TAF3: variants seen among roughly 807,000 people sequenced by gnomAD.
TAF3 encodes the protein transcription initiation factor TFIID subunit 3.
Under a neutral mutation model 80.6 loss-of-function variants are expected in TAF3, and 7 were observed. The ratio of observed to expected loss-of-function variants is 0.09; its 90% confidence interval spans 0.05 to 0.16. The LOEUF (loss-of-function observed/expected upper bound fraction) is 0.16, where lower values mean the gene tolerates loss of function less well. Ranked by LOEUF, TAF3 falls within the 10% of genes least tolerant of loss-of-function variation. The pLI is 1.00. For synonymous variants in TAF3, 444 were observed against 446.1 expected (o/e 1.00, Z 0.06); for missense variants, 921 against 1,140.2 (o/e 0.81, Z 2.77).
rs1831787400 is a variant in TAF3 at position 7,987,232 on chromosome 10, C to T, written c.2315+9909C>T. ...ACGTACTCAGGAGGCTGAGGCTTCA[C>T]TTGAGCCTGGGAAATCGAGGCTACA... On this transcript the variant is annotated intron_variant, in intron 4 of 6. Transcript: ENST00000344293. 3.3e-5 allele frequency among the ~76,000 whole-genome samples: 5 copies of T among 152,100 alleles called. No individual in the cohort carries two copies. In the South Asian group the frequency reaches 1.0e-3, roughly 32 times the overall value.
In TAF3 at chr10:7,836,255, A is replaced by T. The variant is rs550523279; in HGVS notation, c.409+11695A>T. On this transcript the variant is annotated intron_variant, in intron 2 of 6. Transcript: ENST00000344293. ...CATCCACCTCTCAGACCCTGCAACC[A>T]GTTGCAGTTGGCCATTTCCACGTTT... Among the ~76,000 whole-genome samples, 40 of 150,280 alleles carry T rather than the reference A, an allele frequency of 2.7e-4. No individual in the cohort carries two copies. In the South Asian group the frequency reaches 7.2e-3, roughly 27 times the overall value.
At chr10:7,887,339 A>G (rs1021493773) in intron 2 of TAF3, among the ~76,000 whole-genome samples, 5 of 152,158 alleles carry the variant, frequency 3.3e-5, no homozygotes, top group African/African-American at 4.8e-5. Flanking sequence ...GTTGTGTACA[A>G]TCGTTGACCT....
intron 2 of TAF3, among the ~76,000 whole-genome samples, chr10:7,855,814 G>A (rs1180648623): frequency 1.3e-5 from 2 of 152,060 alleles, no homozygotes; most frequent in East Asian, 1.9e-4. Flanking sequence ...GGGCGTGGTG[G>A]CTCACACCTG....
At chr10:7,947,955 G>A (rs1315578455) in intron 2 of TAF3, among the ~76,000 whole-genome samples, 1 of 152,106 alleles carries the variant, frequency 6.6e-6, no homozygotes, top group Non-Finnish European at 1.5e-5. Flanking sequence ...AGGAAATGAC[G>A]TTCACAATTC....
At chr10:7,938,481 A>G (rs1837945767) in intron 2 of TAF3, among the ~76,000 whole-genome samples, 1 of 152,190 alleles carries the variant, frequency 6.6e-6, no homozygotes, top group South Asian at 2.1e-4. Flanking sequence ...TTTAGTGACT[A>G]GATATGGATG....
rs145041981 is a variant in TAF3, at chr10:7,923,022, C to G, written c.410-40898C>G. 1.4e-4 allele frequency among the ~76,000 whole-genome samples: 21 copies of G among 152,118 alleles called. No homozygotes were observed. The East Asian group carries it at 4.1e-3, about 29-fold the overall frequency. ...TATATAGGACTTCTGGTCTGCCTAC[C>G]AAACAGTTAATTATCTCATGCTATC... On this transcript the variant is annotated intron_variant, in intron 2 of 6. Coordinates refer to ENST00000344293, the MANE Select transcript of TAF3 (RefSeq NM_031923.4).
intron 2 of TAF3, among the ~76,000 whole-genome samples, chr10:7,889,751 G>C (rs754416480): frequency 3.9e-5 from 6 of 152,148 alleles, no homozygotes; most frequent in East Asian, 1.9e-4. Flanking sequence ...GCCTCGTCTT[G>C]TGTCTTGTTT....
At chr10:7,848,971 T>C (rs1836999663) in intron 2 of TAF3, among the ~76,000 whole-genome samples, 1 of 152,206 alleles carries the variant, frequency 6.6e-6, no homozygotes, top group Admixed American at 6.5e-5. Flanking sequence ...ACTTTCCTTT[T>C]TCAGCTTTGT....
intron 2 of TAF3, among the ~76,000 whole-genome samples, chr10:7,844,559 G>A (rs542943156): frequency 8.6e-5 from 13 of 151,910 alleles, no homozygotes; most frequent in Non-Finnish European, 1.8e-4. Flanking sequence ...TTGTATTTTA[G>A]TAGAGATGGG....
At chr10:7,934,395 T>C (rs965941971) in intron 2 of TAF3, among the ~76,000 whole-genome samples, 5 of 152,198 alleles carry the variant, frequency 3.3e-5, no homozygotes, top group Non-Finnish European at 5.9e-5. Flanking sequence ...ATTCCGTCCT[T>C]ATATAAAAAT....
intron 2 of TAF3, among the ~76,000 whole-genome samples, chr10:7,852,362 T>C (rs1193384750): frequency 6.6e-6 from 1 of 152,264 alleles, no homozygotes. Context: ...AGGGTCCAAA[T>C]AACATCCACA....
intron 2 of TAF3, among the ~76,000 whole-genome samples, chr10:7,936,498 CTTT>C (rs200550840): frequency 6.9e-6 from 1 of 144,560 alleles, no homozygotes. Context: ...TGAGCTGCAT[CTTT>C]TTTTTTTTTT....
chr10:7,948,660 C>T (rs1346807118), intron 2 of TAF3, among the ~76,000 whole-genome samples: 1 of 152,132 alleles, frequency 6.6e-6, no homozygotes, highest in East Asian at 1.9e-4. Flanking sequence ...TTACAGGCTG[C>T]CTCCTAAATA....
rs190535581 is a variant in TAF3, at chr10:8,016,060, T to C, written c.*1309T>C. The C allele has an allele frequency of 3.4e-3, 517 of 152,302 alleles. 2 individuals carry two copies. The highest frequency in any genetic ancestry group is 0.011 in the African/African-American group (459 of 41,564). The allele number at this position is 152,302 out of a possible 1,614,324, so 9.4% of individuals were successfully genotyped here. On this transcript the variant is annotated 3_prime_UTR_variant, in exon 7 of 7. Transcript: ENST00000344293. ...ACTGCCCACTATTTATTATATGTTA[T>C]AGATGTCTGAGAGGTAAACCAAATA...
intron 2 of TAF3, among the ~76,000 whole-genome samples, chr10:7,903,636 C>T (rs571026370): frequency 1.9e-3 from 293 of 152,250 alleles, no homozygotes; most frequent in African/African-American, 6.6e-3. Flanking sequence ...TTTAGCATTG[C>T]ACCATATATG....
intron 6 of TAF3, 60 bp downstream of exon 6, chr10:8,013,897 A>G: frequency 7.1e-7 from 1 of 1,404,708 alleles, no homozygotes; most frequent in Non-Finnish European, 1.0e-6. Context: ...CGCTCCTGAG[A>G]TGAAGCATCC....
At chr10:7,902,958 C>T (rs1238947920) in intron 2 of TAF3, among the ~76,000 whole-genome samples, 1 of 151,932 alleles carries the variant, frequency 6.6e-6, no homozygotes, top group African/African-American at 2.4e-5. Flanking sequence ...TGCTTGTGCT[C>T]ACCTATGGTC....
intron 2 of TAF3, among the ~76,000 whole-genome samples, chr10:7,894,402 G>A (rs894356815): frequency 2.0e-5 from 3 of 152,178 alleles, no homozygotes; most frequent in African/African-American, 7.2e-5. Context: ...ACGTCTCAGC[G>A]CCATCTGGTT....
At chr10:7,835,275 G>A (rs983903689) in intron 2 of TAF3, among the ~76,000 whole-genome samples, 3 of 152,140 alleles carry the variant, frequency 2.0e-5, no homozygotes, top group African/African-American at 4.8e-5. Context: ...ACAACTTTGT[G>A]TTGGGCTGCA....
Sources: gnomAD v4.1 joint callset for allele counts (sites outside exome capture counted in the v4.1 genomes callset) on GRCh38, gnomAD v4.1.1 for gene constraint, MANE v1.5 for transcripts, NCBI Gene and HGNC (gene_info 2026-07-23, HGNC 2026-07-21) for gene names.